Variants in ZNF564 observed in about 807,000 individuals in gnomAD.
ZNF564 encodes zinc finger protein 564.
ZNF564 carries 5 observed loss-of-function variants against 10.5 expected under a neutral mutation model. The ratio of observed to expected loss-of-function variants is 0.48; its 90% confidence interval spans 0.25 to 1.00. The LOEUF is 1.00. Among genes scored for constraint, ZNF564 ranks in the 50% least tolerant of loss-of-function variants. The pLI is 0.16. For missense variants in ZNF564, 603 were observed against 669.7 expected (o/e 0.90, Z 1.10); for synonymous variants, 242 against 218.1 (o/e 1.11, Z -0.97).
chr19:12,537,083 T>C (rs1365813833), intron 1 of ZNF564, among the ~76,000 whole-genome samples: 3 of 152,202 alleles, frequency 2.0e-5, no homozygotes, highest in Non-Finnish European at 4.4e-5. Flanking sequence ...ATGTGGTATG[T>C]GACTGGCTTC....
At chr19:12,534,788 T>C (rs1292624831) in intron 1 of ZNF564, among the ~76,000 whole-genome samples, 1 of 152,194 alleles carries the variant, frequency 6.6e-6, no homozygotes, top group Non-Finnish European at 1.5e-5. Flanking sequence ...CACTCCAGCC[T>C]GGACGACAGA....
At chr19:12,528,729 A>G (rs757690786) in intron 1 of ZNF564, 33 bp from the exon 2 acceptor site, 1 of 1,595,076 alleles carries the variant, frequency 6.3e-7, no homozygotes, top group Non-Finnish European at 8.5e-7. Context: ...TGCAGGAGGA[A>G]GAATGAGATG....
chr19:12,550,145 AGCC>A (rs1433516252), intron 1 of ZNF564: 1 of 150,776 alleles, frequency 6.6e-6, no homozygotes, highest in Non-Finnish European at 1.5e-5. Flanking sequence ...ATACAAAATT[AGCC>A]GGGCATGGTG....
chr19:12,526,267 G>GA lies in ZNF564; in HGVS notation c.*178dup. ...AATTCTTCTTCAGCTCCGAACCGGT[G>GA]AAAACCAAACTAGTCATGTATTTCC... On this transcript the variant is annotated 3_prime_UTR_variant, in exon 4 of 4. Coordinates refer to ENST00000339282, the MANE Select transcript of ZNF564 (RefSeq NM_144976.4). 1.6e-6 allele frequency: 1 copy of GA among 617,684 alleles called. No individual in the cohort carries two copies. The allele number at this position is 617,684 out of a possible 1,614,324, so 38.3% of individuals were successfully genotyped here. A position where few individuals can be genotyped will look rare whatever the true frequency, so the allele number is the denominator to read the frequency against.
intron 1 of ZNF564, among the ~76,000 whole-genome samples, chr19:12,532,182 C>A (rs992482190): frequency 1.3e-5 from 2 of 151,900 alleles, no homozygotes; most frequent in Non-Finnish European, 2.9e-5. Context: ...TGTGAATAGA[C>A]CCTGCACTCC....
At chr19:12,548,000 A>G (rs1473225319) in intron 1 of ZNF564, among the ~76,000 whole-genome samples, 2 of 151,046 alleles carry the variant, frequency 1.3e-5, no homozygotes, top group Non-Finnish European at 3.0e-5. Flanking sequence ...TAGTAGAAAC[A>G]GGGTTTCTCC....
chr19:12,536,767 G>A (rs553417868), intron 1 of ZNF564, among the ~76,000 whole-genome samples: 3 of 152,298 alleles, frequency 2.0e-5, no homozygotes, highest in African/African-American at 7.2e-5. Flanking sequence ...GAAGCCGATA[G>A]AGTGAGCCAT....
At chr19:12,548,963 A>T (rs2022203536) in intron 1 of ZNF564, 1 of 683,908 alleles carries the variant, frequency 1.5e-6, no homozygotes, top group African/African-American at 1.8e-5. Context: ...GAATTTCCCT[A>T]CTTATCTGAG....
Position 12,544,873 on chromosome 19 carries a change from C to G in ZNF564, c.3+6457G>C, listed in dbSNP as rs181436014. ...CTCTCTGGGATCTATTACCTAGCAG[C>G]CTGTTTCACCCACAGTCACAAGGAA... On this transcript the variant is annotated intron_variant, in intron 1 of 3. Coordinates refer to ENST00000339282, the MANE Select transcript of ZNF564 (RefSeq NM_144976.4). Among the ~76,000 whole-genome samples, 117 of 152,292 alleles carry G rather than the reference C, an allele frequency of 7.7e-4. 1 individual carries two copies. The highest frequency in any genetic ancestry group is 3.9e-4 in the East Asian group (2 of 5,190).
intron 1 of ZNF564, among the ~76,000 whole-genome samples, chr19:12,529,282 T>C (rs1482095821): frequency 6.6e-6 from 1 of 151,992 alleles, no homozygotes; most frequent in East Asian, 1.9e-4. Context: ...CCAGTTCACC[T>C]TGGAGAAACA....
In ZNF564 at chr19:12,540,629, C is replaced by A. The variant is rs1327297785; in HGVS notation, c.3+10701G>T. Among the ~76,000 whole-genome samples the A allele has an allele frequency of 3.3e-5, 5 of 152,050 alleles. No homozygotes were observed. In the South Asian group the frequency reaches 8.3e-4, roughly 25 times the overall value. On this transcript the variant is annotated intron_variant, in intron 1 of 3. Transcript: ENST00000339282. The stretch of plus-strand genomic sequence containing the variant: ...CAGCACTTTGGGAGGCCAAGGCGGG[C>A]AGATCACAAAGTCAGGAGATCGCCA...
At chr19:12,547,347 T>C (rs530858753) in intron 1 of ZNF564, among the ~76,000 whole-genome samples, 267 of 152,256 alleles carry the variant, frequency 1.8e-3, no homozygotes, top group Non-Finnish European at 2.8e-3. Flanking sequence ...AAGCCGCCAC[T>C]TCCACCAGAA....
intron 1 of ZNF564, among the ~76,000 whole-genome samples, chr19:12,549,777 C>G (rs994529548): frequency 6.6e-6 from 1 of 152,280 alleles, no homozygotes; most frequent in South Asian, 2.1e-4. Context: ...TTAAGCTGTC[C>G]TCTGGGAGGA....
At position 12,541,831 on chromosome 19, in the gene ZNF564, C is replaced by G. The variant is rs144389050; in HGVS notation, c.3+9499G>C. On this transcript the variant is annotated intron_variant, in intron 1 of 3. Coordinates refer to ENST00000339282, the MANE Select transcript of ZNF564 (RefSeq NM_144976.4). ...GAGATCAAGACCGTCCTGGCTAATA[C>G]GGTGAAACCCCGTCTCTACTAAAAA... Among the ~76,000 whole-genome samples the G allele has an allele frequency of 8.9e-3, 1,329 of 149,238 alleles. 14 individuals are homozygous for G. Among genetic ancestry groups the G allele is most frequent in the South Asian group, 0.03 (140 of 4,688 alleles).
chr19:12,534,220 G>A (rs2021863846), intron 1 of ZNF564, among the ~76,000 whole-genome samples: 1 of 151,860 alleles, frequency 6.6e-6, no homozygotes, highest in Non-Finnish European at 1.5e-5. Flanking sequence ...ACAAGACAGA[G>A]GAAATAAAAA....
intron 1 of ZNF564, 52 bp downstream of exon 1, chr19:12,551,278 G>T: frequency 1.3e-6 from 2 of 1,586,906 alleles, no homozygotes; most frequent in Non-Finnish European, 8.6e-7. Flanking sequence ...GTTCCGGCCG[G>T]TTCCCACAAG....
chr19:12,546,487 G>A (rs2022156408), intron 1 of ZNF564, among the ~76,000 whole-genome samples: 1 of 152,196 alleles, frequency 6.6e-6, no homozygotes, highest in South Asian at 2.1e-4. Flanking sequence ...CCAGCACTCT[G>A]GGAGGCCGAG....
chr19:12,528,356 ATT>A lies in ZNF564; in HGVS notation c.137_138del (p.Lys46MetfsTer7). On this transcript the variant is annotated frameshift_variant, in exon 3 of 4. Transcript: ENST00000339282. LOFTEE classifies it high-confidence loss of function. The part of the protein sequence containing the change: ...TFRNLACVGK[K>X]WEDQSIEDWY... ...CAATCTTCAATGCTCTGGTCTTCCCATTTTTTTCCTAAAATATAGTCAGAAAA... is the reference window on the plus strand; with the variant it reads ...CAATCTTCAATGCTCTGGTCTTCCCATTTTTCCTAAAATATAGTCAGAAAA... 6.2e-7 allele frequency: 1 copy of A among 1,606,100 alleles called. No individual in the cohort carries two copies. Among genetic ancestry groups the A allele is most frequent in the East Asian group, 2.2e-5 (1 of 44,818 alleles).
chr19:12,544,867 T>C (rs1458261411), intron 1 of ZNF564, among the ~76,000 whole-genome samples: 1 of 152,122 alleles, frequency 6.6e-6, no homozygotes, highest in Non-Finnish European at 1.5e-5. Context: ...ATCTATTACC[T>C]AGCAGCCTGT....
Sources: allele counts gnomAD v4.1 joint callset (sites outside exome capture counted in the v4.1 genomes callset), GRCh38; gene constraint gnomAD v4.1.1; transcripts MANE v1.5; gene names NCBI Gene and HGNC (gene_info 2026-07-23, HGNC 2026-07-21).